The following APBB2 variants were observed in gnomAD, a reference collection of about 807,000 sequenced individuals.
APBB2 encodes the protein amyloid beta precursor protein binding family B member 2.
A neutral mutation model predicts 82.5 loss-of-function variants in APBB2; 38 were observed. That is an observed-to-expected ratio of 0.46 (90% CI 0.36 to 0.60). The LOEUF is 0.60. Ranked by LOEUF, APBB2 falls within the 20% of genes least tolerant of loss-of-function variation. The pLI is 0.00. For missense variants in APBB2, 772 were observed against 972.3 expected, an observed-to-expected ratio of 0.79 and a Z score of 2.74; for synonymous variants, 341 against 368.2, an observed-to-expected ratio of 0.93 and a Z score of 0.85.
chr4:41,158,256 T>C (rs1763969980), intron 1 of APBB2, among the ~76,000 whole-genome samples: 1 of 152,200 alleles, frequency 6.6e-6, no homozygotes, highest in African/African-American at 2.4e-5. Context: ...GCACCTGAAT[T>C]GGCTATTATT....
chr4:41,126,882 C>G (rs1754565801), intron 2 of APBB2, among the ~76,000 whole-genome samples: 1 of 152,138 alleles, frequency 6.6e-6, no homozygotes, highest in Non-Finnish European at 1.5e-5. Flanking sequence ...GTAAATTTAT[C>G]TTACCTCTTT....
chr4:41,124,697 C>T (rs750668838), intron 2 of APBB2, among the ~76,000 whole-genome samples: 1 of 152,192 alleles, frequency 6.6e-6, no homozygotes, highest in Non-Finnish European at 1.5e-5. Context: ...TATTCTACAA[C>T]TGATTAAACA....
intron 1 of APBB2, among the ~76,000 whole-genome samples, chr4:41,166,356 C>T (rs1365482877): frequency 6.6e-6 from 1 of 150,924 alleles, no homozygotes; most frequent in Non-Finnish European, 1.5e-5. Flanking sequence ...GAGCTGTATT[C>T]TATGGGCAAA....
chr4:41,188,435 G>A (rs1773518519), intron 1 of APBB2, among the ~76,000 whole-genome samples: 1 of 152,110 alleles, frequency 6.6e-6, no homozygotes, highest in Admixed American at 6.5e-5. Context: ...TCTTTAAGAG[G>A]TGATTAGATC....
chr4:40,901,881 T>C (rs764611026), intron 10 of APBB2, among the ~76,000 whole-genome samples: 7 of 150,042 alleles, frequency 4.7e-5, no homozygotes, highest in Non-Finnish European at 7.4e-5. Flanking sequence ...CAGGAAGTTC[T>C]AAACACCCTG....
chr4:40,831,659 C>T (rs770932837), intron 12 of APBB2, among the ~76,000 whole-genome samples: 4 of 152,188 alleles, frequency 2.6e-5, no homozygotes, highest in Admixed American at 1.3e-4. Context: ...CAGCCCACAG[C>T]TGACTGAGAA....
At chr4:41,194,642 T>C in intron 1 of APBB2, among the ~76,000 whole-genome samples, 5 of 152,092 alleles carry the variant, frequency 3.3e-5, no homozygotes, top group African/African-American at 1.2e-4. Flanking sequence ...CTAGCCTTGG[T>C]GACAGAGCAA....
chr4:40,955,730 TA>T lies in APBB2; in HGVS notation c.836-10658del, dbSNP rs201470134. On this transcript the variant is annotated intron_variant, in intron 6 of 17. Transcript: ENST00000508593. ...CAGCTTGAGGCCAGCCTGAGCAACA[TA>T]AAAAGATTCCATCTCCCTCCCCTAA... is the stretch of plus-strand genomic sequence containing the variant. 4.0e-4 allele frequency among the ~76,000 whole-genome samples: 61 copies of T among 152,142 alleles called. No homozygotes were observed. The East Asian group carries it at 0.011, about 26-fold the overall frequency.
intron 6 of APBB2, among the ~76,000 whole-genome samples, chr4:40,960,702 C>T (rs1162673994): frequency 1.3e-5 from 2 of 152,040 alleles, no homozygotes; most frequent in Admixed American, 1.3e-4. Context: ...ACACCTTGGC[C>T]TCCCAGAGTG....
chr4:41,118,112 G>A (rs1435301283), intron 2 of APBB2: 1 of 152,240 alleles, frequency 6.6e-6, no homozygotes, highest in Admixed American at 6.5e-5. Context: ...TATTCAGGAG[G>A]CTGAGGAAGG....
chr4:40,879,928 G>C (rs1182217043), intron 12 of APBB2: 5 of 816,904 alleles, frequency 6.1e-6, no homozygotes, highest in East Asian at 1.3e-4. Flanking sequence ...CTAACCTCAG[G>C]TGATCTGCCC....
intron 1 of APBB2, among the ~76,000 whole-genome samples, chr4:41,155,603 A>G (rs1451992062): frequency 6.6e-6 from 1 of 152,244 alleles, no homozygotes; most frequent in Non-Finnish European, 1.5e-5. Flanking sequence ...AAGACACACT[A>G]CCCAGACAGA....
chr4:40,961,175 C>G (rs1793098925), intron 6 of APBB2, among the ~76,000 whole-genome samples: 1 of 152,044 alleles, frequency 6.6e-6, no homozygotes, highest in Admixed American at 6.6e-5. Flanking sequence ...TGTAATAAGT[C>G]ACAGTTATTT....
chr4:40,842,309 G>T, intron 12 of APBB2: 1 of 439,270 alleles, frequency 2.3e-6, no homozygotes. Context: ...GAAAGCAAGT[G>T]AGCTTTGCCA....
intron 10 of APBB2, among the ~76,000 whole-genome samples, chr4:40,902,689 C>A (rs1321418711): frequency 6.6e-6 from 1 of 152,108 alleles, no homozygotes; most frequent in Non-Finnish European, 1.5e-5. Context: ...GCCTACCACA[C>A]CCTGCTAGTT....
chr4:40,908,476 T>G (rs1360452788), intron 10 of APBB2, among the ~76,000 whole-genome samples: 1 of 152,146 alleles, frequency 6.6e-6, no homozygotes, highest in Non-Finnish European at 1.5e-5. Context: ...CTGGCTTTCC[T>G]GACGGAGAGA....
In APBB2 at chr4:40,826,091, C is replaced by A; in HGVS notation, c.1733-121G>T. On this transcript the variant is annotated intron_variant, in intron 14 of 17. Transcript: ENST00000508593. This position sits in a 1 kb window ranked among gnomAD's most constrained non-coding sequence, Gnocchi z 4.5. The stretch of plus-strand genomic sequence containing the variant: ...CCCTGTGCCATAACGCCCTATGTTT[C>A]TGGATGTAAATGTAACAACTATTCT... The A allele has an allele frequency of 1.3e-6, 1 of 749,574 alleles. No individual in the cohort carries two copies. The allele number at this position is 749,574 out of a possible 1,614,324, so 46.4% of individuals were successfully genotyped here.
chr4:41,154,772 A>C (rs137979050), intron 1 of APBB2, among the ~76,000 whole-genome samples: 221 of 152,316 alleles, frequency 1.5e-3, no homozygotes, highest in African/African-American at 5.1e-3. Flanking sequence ...ACTGATTAAA[A>C]ATTACCTTGT....
intron 1 of APBB2, among the ~76,000 whole-genome samples, chr4:41,146,829 T>A (rs942986650): frequency 5.9e-5 from 9 of 152,178 alleles, no homozygotes; most frequent in Non-Finnish European, 1.2e-4. Context: ...CGACTGTGCA[T>A]CAGGGCAACA....
Sources: allele counts gnomAD v4.1 joint callset (sites outside exome capture counted in the v4.1 genomes callset), GRCh38; gene constraint gnomAD v4.1.1; non-coding constraint Gnocchi (gnomAD v3.1); transcripts MANE v1.5; gene names NCBI Gene and HGNC (gene_info 2026-07-23, HGNC 2026-07-21).